Variants in MLXIPL observed in about 807,000 individuals in gnomAD.
MLXIPL encodes the protein carbohydrate-responsive element-binding protein.
MLXIPL carries 49 observed loss-of-function variants against 81.5 expected under a neutral mutation model. The ratio of observed to expected loss-of-function variants is 0.60; its 90% CI spans 0.48 to 0.76. The LOEUF (loss-of-function observed/expected upper bound fraction) is 0.76. Ranked by LOEUF, MLXIPL falls within the 30% of genes least tolerant of loss-of-function variation. The pLI is 0.00. For missense variants in MLXIPL, 1,053 were observed against 1,167.0 expected (o/e 0.90, Z 1.42); for synonymous variants, 466 against 485.5 (o/e 0.96, Z 0.53).
intron 7 of MLXIPL, among the ~76,000 whole-genome samples, chr7:73,600,880 G>A (rs1794762254): frequency 6.6e-6 from 1 of 151,938 alleles, no homozygotes; most frequent in Non-Finnish European, 1.5e-5. Flanking sequence ...GCTGGCCACG[G>A]CCTGACCACA....
chr7:73,601,211 GTGTGTT>G (rs1358046071), intron 7 of MLXIPL, among the ~76,000 whole-genome samples: 151 of 151,682 alleles, frequency 1.0e-3, no homozygotes, highest in African/African-American at 3.4e-3. Flanking sequence ...GTGTGTGTGT[GTGTGTT>G]TGTGTCTTCA....
At chr7:73,606,275 A>G (rs79064916) in intron 5 of MLXIPL, 164 bp from the exon 6 acceptor site, 2 of 726,588 alleles carry the variant, frequency 2.8e-6, no homozygotes, top group East Asian at 2.7e-5. Context: ...AAAGGCCAAG[A>G]TCACTCCATT....
rs1225571897 is a variant in MLXIPL, at chr7:73,593,393, G to C, written c.*472C>G. On this transcript the variant is annotated 3_prime_UTR_variant, in exon 17 of 17. Transcript: ENST00000313375. ...TCTGGGTCAGCAGTGAAGGAGCAGAGAGAGGGAACCTCCTTTTCTGCTTCT... is the reference window on the plus strand; with the variant it reads ...TCTGGGTCAGCAGTGAAGGAGCAGACAGAGGGAACCTCCTTTTCTGCTTCT... 2.0e-5 allele frequency: 5 copies of C among 244,896 alleles called. No individual in the cohort carries two copies. The highest frequency in any genetic ancestry group is 1.0e-4 in the East Asian group (1 of 9,930). The allele number at this position is 244,896 out of a possible 1,614,324, so 15.2% of individuals were successfully genotyped here. A position where few individuals can be genotyped will look rare whatever the true frequency, so the allele number is the denominator to read the frequency against.
At chr7:73,619,634 A>G (rs1796212436) in intron 1 of MLXIPL, among the ~76,000 whole-genome samples, 1 of 150,916 alleles carries the variant, frequency 6.6e-6, no homozygotes, top group Non-Finnish European at 1.5e-5. Flanking sequence ...GACTCATAAA[A>G]AACAAGTAAA....
At chr7:73,614,729 A>G (rs1172029666) in intron 2 of MLXIPL, among the ~76,000 whole-genome samples, 1 of 151,824 alleles carries the variant, frequency 6.6e-6, no homozygotes, top group Middle Eastern at 3.2e-3. Flanking sequence ...ATACCAACTT[A>G]GTGGCAACAC....
intron 15 of MLXIPL, among the ~76,000 whole-genome samples, chr7:73,594,929 T>G (rs1794152549): frequency 6.9e-6 from 1 of 145,860 alleles, no homozygotes; most frequent in Non-Finnish European, 1.5e-5. Context: ...CACTGCAACC[T>G]CCACCTCCCA....
intron 7 of MLXIPL, among the ~76,000 whole-genome samples, chr7:73,603,519 G>T (rs1431496650): frequency 6.6e-6 from 1 of 152,194 alleles, no homozygotes; most frequent in East Asian, 1.9e-4. Flanking sequence ...CTGGAACAGG[G>T]GTGGGGGTGG....
At chr7:73,644,520 T>C in the MLXIPL span, among the ~76,000 whole-genome samples, 1 of 152,176 alleles carries the variant, frequency 6.6e-6, no homozygotes. Context: ...GGTTTTCTCA[T>C]CTTTAAAATG....
At position 73,607,571 on chromosome 7, in the gene MLXIPL, C is replaced by A. The variant is rs1554598692; in HGVS notation, c.483+19G>T. ...GTGGGCAGGTGGGCAGGTGGGCAGGCGGTCCAGAACCCAGCTACCTCCGGC... is the reference window on the plus strand; with the variant it reads ...GTGGGCAGGTGGGCAGGTGGGCAGGAGGTCCAGAACCCAGCTACCTCCGGC... On this transcript the variant is annotated intron_variant, in intron 3 of 16. Coordinates refer to ENST00000313375, the MANE Select transcript of MLXIPL (RefSeq NM_032951.3). 1 of 1,611,118 alleles carries A rather than the reference C, an allele frequency of 6.2e-7. No individual in the cohort carries two copies. Among genetic ancestry groups the A allele is most frequent in the East Asian group, 2.2e-5 (1 of 44,818 alleles).
intron 1 of MLXIPL, among the ~76,000 whole-genome samples, chr7:73,622,399 G>T (rs1214006280): frequency 6.6e-6 from 1 of 151,730 alleles, no homozygotes; most frequent in Non-Finnish European, 1.5e-5. Flanking sequence ...TGAGGCAGGA[G>T]ATTCTCTTGA....
chr7:73,593,739 C>T lies in MLXIPL; in HGVS notation c.*126G>A. ...AGTGTGAAACCTGGACCCTGCTCCACCCCCCAGGGAAGGGCAGAGCCAGGG... is the reference window on the plus strand; with the variant it reads ...AGTGTGAAACCTGGACCCTGCTCCATCCCCCAGGGAAGGGCAGAGCCAGGG... On this transcript the variant is annotated 3_prime_UTR_variant, in exon 17 of 17. Transcript: ENST00000313375. 3.5e-6 allele frequency: 3 copies of T among 859,276 alleles called. No individual in the cohort carries two copies. The highest frequency in any genetic ancestry group is 1.8e-5 in the Admixed American group (1 of 56,042). The allele number at this position is 859,276 out of a possible 1,614,324, so 53.2% of individuals were successfully genotyped here. A position where few individuals can be genotyped will look rare whatever the true frequency, so the allele number is the denominator to read the frequency against.
At chr7:73,626,668 A>C (rs1554603945), upstream of MLXIPL, among the ~76,000 whole-genome samples, 1 of 152,188 alleles carries the variant, frequency 6.6e-6, no homozygotes, top group Non-Finnish European at 1.5e-5. Flanking sequence ...TCAGAGGCAC[A>C]GGAGAGCAAA....
Position 73,605,695 on chromosome 7 carries a change from G to A in MLXIPL, c.894C>T (p.Asp298=), listed in dbSNP as rs1554597724. ...PLQPSLDDFM[D]ISDFFTNSRL... is the part of the protein sequence containing the mutation. ...GGGAGGGGCTCGCCCCACCTGAGAT[G>A]TCCATGAAGTCATCCAGGCTTGGCT... Residue 298 remains aspartate, a synonymous_variant, in exon 7 of 17, where the codon GAC becomes GAT. Transcript: ENST00000313375. 3 of 1,613,606 alleles carry A rather than the reference G, an allele frequency of 1.9e-6. No individual in the cohort carries two copies. Among genetic ancestry groups the A allele is most frequent in the South Asian group, 1.1e-5 (1 of 91,052 alleles).
chr7:73,602,919 C>T (rs1385215403), intron 7 of MLXIPL, among the ~76,000 whole-genome samples: 1 of 152,238 alleles, frequency 6.6e-6, no homozygotes, highest in African/African-American at 2.4e-5. Context: ...GAGTCACCAG[C>T]CACCCGCTTA....
chr7:73,604,995 C>T (rs932661635), intron 7 of MLXIPL, among the ~76,000 whole-genome samples: 6 of 152,098 alleles, frequency 3.9e-5, no homozygotes, highest in Non-Finnish European at 7.4e-5. Context: ...GAACTCCTGA[C>T]GTCAGGTGAT....
the MLXIPL span, among the ~76,000 whole-genome samples, chr7:73,637,282 A>T: frequency 6.6e-6 from 1 of 151,946 alleles, no homozygotes; most frequent in Non-Finnish European, 1.5e-5. Context: ...GTTCCAGACC[A>T]GCCTGGCCAA....
chr7:73,607,053 T>C (rs782126508), intron 4 of MLXIPL, 35 bp from the exon 5 acceptor site: 2 of 1,609,124 alleles, frequency 1.2e-6, no homozygotes, highest in African/African-American at 1.3e-5. Flanking sequence ...ACCGGATCCC[T>C]TGCCCCATCC....
chr7:73,593,601 T>G lies in MLXIPL; in HGVS notation c.*264A>C. Reference sequence around the variant, plus strand: ...ACCTTCCCCATCCCCATTTTGCAGATTGAAACACAGCGGTCCAAAGACAGC... The same window carrying G: ...ACCTTCCCCATCCCCATTTTGCAGAGTGAAACACAGCGGTCCAAAGACAGC... On this transcript the variant is annotated 3_prime_UTR_variant, in exon 17 of 17. Coordinates refer to ENST00000313375, the MANE Select transcript of MLXIPL (RefSeq NM_032951.3). 2.3e-6 allele frequency: 1 copy of G among 443,608 alleles called. No homozygotes were observed. Among genetic ancestry groups the G allele is most frequent in the East Asian group, 4.6e-5 (1 of 21,700 alleles). The allele number at this position is 443,608 out of a possible 1,614,324, so 27.5% of individuals were successfully genotyped here. A position where few individuals can be genotyped will look rare whatever the true frequency, so the allele number is the denominator to read the frequency against.
upstream of MLXIPL, among the ~76,000 whole-genome samples, chr7:73,627,250 C>CTT (rs869038650): frequency 0.082 from 10,970 of 133,820 alleles, 643 homozygotes; most frequent in African/African-American, 0.14. Context: ...AAGTGGCCCT[C>CTT]TTTTTTTTTT....
Sources: allele counts gnomAD v4.1 joint callset (sites outside exome capture counted in the v4.1 genomes callset), GRCh38; gene constraint gnomAD v4.1.1; transcripts MANE v1.5; gene names NCBI Gene and HGNC (gene_info 2026-07-23, HGNC 2026-07-21).